The following GRID2 variants were observed in gnomAD, a reference collection of about 807,000 sequenced individuals.
GRID2 encodes the protein glutamate receptor ionotropic, delta-2.
GRID2 carries 33 observed loss-of-function variants against 114.8 expected under a neutral mutation model. The observed-to-expected ratio is 0.29, with a 90% confidence interval of 0.22 to 0.38. The LOEUF (loss-of-function observed/expected upper bound fraction) is 0.38. GRID2 is among the 10% of genes least tolerant of loss of function. The pLI is 1.00. For synonymous variants in GRID2, 505 were observed against 449.9 expected (o/e 1.12, Z -1.55); for missense variants, 1,184 against 1,257.7 (o/e 0.94, Z 0.89).
At chr4:93,752,685 A>G (rs1293433972) in intron 14 of GRID2, among the ~76,000 whole-genome samples, 5 of 152,130 alleles carry the variant, frequency 3.3e-5, no homozygotes, top group Admixed American at 6.5e-5. Context: ...TCATACTCTT[A>G]ACTATTACAT....
chr4:92,938,320 T>A (rs1750819732), intron 2 of GRID2, among the ~76,000 whole-genome samples: 1 of 146,752 alleles, frequency 6.8e-6, no homozygotes, highest in African/African-American at 2.4e-5. Flanking sequence ...AAATCTTCTT[T>A]ATGGCCCATC....
chr4:92,954,133 T>A (rs1393273823), intron 2 of GRID2, among the ~76,000 whole-genome samples: 1 of 152,030 alleles, frequency 6.6e-6, no homozygotes, highest in Admixed American at 6.6e-5. Flanking sequence ...CGAAAGCACA[T>A]TAAAAGATTT....
intron 1 of GRID2, among the ~76,000 whole-genome samples, chr4:92,473,734 A>G (rs62310664): frequency 0.19 from 28,513 of 151,952 alleles, 2,859 homozygotes; most frequent in Middle Eastern, 0.29. Flanking sequence ...GTTGGATGAT[A>G]GTGTTGTTCA....
intron 1 of GRID2, among the ~76,000 whole-genome samples, chr4:92,471,926 C>CTTTTTTTTTTTT (rs1186215701): frequency 1.7e-5 from 1 of 57,322 alleles, no homozygotes; most frequent in Non-Finnish European, 3.1e-5. Context: ...ATCCATATTT[C>CTTTTTTTTTTTT]TTTTTTTTTT....
At chr4:92,784,039 G>A (rs2149360243) in intron 2 of GRID2, among the ~76,000 whole-genome samples, 2 of 151,906 alleles carry the variant, frequency 1.3e-5, no homozygotes, top group Middle Eastern at 6.8e-3. Context: ...AAACTTATCT[G>A]AATTTTACCC....
chr4:92,818,997 C>T (rs894637536), intron 2 of GRID2, among the ~76,000 whole-genome samples: 3 of 152,048 alleles, frequency 2.0e-5, no homozygotes, highest in African/African-American at 7.2e-5. Flanking sequence ...TTCATTCTCA[C>T]TGTATATACC....
At chr4:92,734,409 G>T (rs1324870326) in intron 2 of GRID2, among the ~76,000 whole-genome samples, 1 of 151,786 alleles carries the variant, frequency 6.6e-6, no homozygotes, top group African/African-American at 2.4e-5. Flanking sequence ...AGCCTCCTGA[G>T]AATCTGAGAC....
At chr4:92,879,310 A>G (rs1374163176) in intron 2 of GRID2, among the ~76,000 whole-genome samples, 2 of 152,192 alleles carry the variant, frequency 1.3e-5, no homozygotes, top group Non-Finnish European at 2.9e-5. Flanking sequence ...AGGTTGACTG[A>G]CACCAATAAA....
intron 14 of GRID2, among the ~76,000 whole-genome samples, chr4:93,688,339 A>T (rs1176966372): frequency 2.6e-5 from 4 of 151,870 alleles, no homozygotes; most frequent in African/African-American, 9.7e-5. Context: ...TTCCTGTTAT[A>T]GCCTCACTGC....
At chr4:92,900,481 TATA>T (rs1378545246) in intron 2 of GRID2, among the ~76,000 whole-genome samples, 1 of 152,194 alleles carries the variant, frequency 6.6e-6, no homozygotes, top group African/African-American at 2.4e-5. Context: ...AGCTTCCTCT[TATA>T]AGTGATTACA....
intron 2 of GRID2, among the ~76,000 whole-genome samples, chr4:92,856,187 A>G (rs777705364): frequency 2.0e-5 from 3 of 151,950 alleles, no homozygotes; most frequent in Non-Finnish European, 4.4e-5. Flanking sequence ...AATAGATTTG[A>G]TTCTTCCTTG....
intron 8 of GRID2, among the ~76,000 whole-genome samples, chr4:93,385,551 A>G (rs1764234818): frequency 6.6e-6 from 1 of 152,162 alleles, no homozygotes; most frequent in African/African-American, 2.4e-5. Flanking sequence ...TGTGCTTGCC[A>G]TACGTCAGTG....
intron 4 of GRID2, among the ~76,000 whole-genome samples, chr4:93,196,516 A>G (rs1381726325): frequency 1.3e-5 from 2 of 152,158 alleles, no homozygotes; most frequent in African/African-American, 4.8e-5. Flanking sequence ...CAAAATCCCC[A>G]TGTAATACTG....
intron 2 of GRID2, among the ~76,000 whole-genome samples, chr4:92,900,849 A>T (rs956616940): frequency 6.6e-6 from 1 of 151,418 alleles, no homozygotes; most frequent in African/African-American, 2.4e-5. Context: ...AAAAAAAAAA[A>T]AAAAAAAAAG....
At chr4:93,120,495 A>T (rs1733681058) in intron 4 of GRID2, among the ~76,000 whole-genome samples, 1 of 152,176 alleles carries the variant, frequency 6.6e-6, no homozygotes, top group African/African-American at 2.4e-5. Flanking sequence ...TAACACAGGA[A>T]CAGAAAACCA....
At chr4:92,498,928 T>TAA (rs11303897) in intron 1 of GRID2, among the ~76,000 whole-genome samples, 26 of 137,744 alleles carry the variant, frequency 1.9e-4, no homozygotes, top group African/African-American at 4.0e-4. Flanking sequence ...CTTATTTAGG[T>TAA]AAAAAAAAAA....
chr4:92,919,337 T>C (rs946074882), intron 2 of GRID2, among the ~76,000 whole-genome samples: 6 of 152,158 alleles, frequency 3.9e-5, no homozygotes, highest in African/African-American at 1.4e-4. Context: ...AAGGGTTTTT[T>C]GTGTCTCTAT....
At chr4:93,349,548 T>A (rs923325279) in intron 8 of GRID2, among the ~76,000 whole-genome samples, 4 of 152,082 alleles carry the variant, frequency 2.6e-5, no homozygotes, top group Non-Finnish European at 2.9e-5. Context: ...CCCCATAGAA[T>A]TTAGCAGAGT....
intron 9 of GRID2, among the ~76,000 whole-genome samples, chr4:93,419,446 T>G (rs1297403350): frequency 6.6e-6 from 1 of 151,964 alleles, no homozygotes; most frequent in Non-Finnish European, 1.5e-5. Flanking sequence ...TCAACCAAAT[T>G]TCTTTTGCTA....
Sources: allele counts gnomAD v4.1 joint callset (sites outside exome capture counted in the v4.1 genomes callset), GRCh38; gene constraint gnomAD v4.1.1; transcripts MANE v1.5; gene names NCBI Gene and HGNC (gene_info 2026-07-23, HGNC 2026-07-21).